The following CCDC85A variants were observed in gnomAD, a reference collection of about 807,000 sequenced individuals.
CCDC85A encodes the protein coiled-coil domain-containing protein 85A.
In CCDC85A, 38 loss-of-function variants were observed where a neutral mutation model predicts 50.2. That is an observed-to-expected ratio of 0.76 (90% CI 0.58 to 0.99). CCDC85A has a LOEUF of 0.99. Ranked by LOEUF, CCDC85A falls within the 50% of genes least tolerant of loss-of-function variation. The pLI is 0.00. For synonymous variants in CCDC85A, 366 were observed against 301.4 expected (o/e 1.21, Z -2.22); for missense variants, 820 against 742.0 (o/e 1.11, Z -1.22).
intron 2 of CCDC85A, among the ~76,000 whole-genome samples, chr2:56,233,196 G>T (rs1222339970): frequency 6.6e-6 from 1 of 152,166 alleles, no homozygotes; most frequent in African/African-American, 2.4e-5. Context: ...CTACTGATTG[G>T]TTGGTGCACA....
chr2:56,237,338 C>T (rs1182010347), intron 2 of CCDC85A, among the ~76,000 whole-genome samples: 36 of 152,122 alleles, frequency 2.4e-4, no homozygotes, highest in Admixed American at 2.3e-3. Flanking sequence ...AGGCCCAGCT[C>T]ATTTGGTTGG....
At chr2:56,302,111 C>T (rs945237172) in intron 2 of CCDC85A, among the ~76,000 whole-genome samples, 3 of 151,886 alleles carry the variant, frequency 2.0e-5, no homozygotes, top group Non-Finnish European at 4.4e-5. Context: ...CAAAAATTAC[C>T]CGGGCCTGGT....
intron 2 of CCDC85A, among the ~76,000 whole-genome samples, chr2:56,216,290 G>A (rs962674787): frequency 1.1e-4 from 16 of 151,738 alleles, no homozygotes; most frequent in African/African-American, 3.4e-4. Flanking sequence ...ACTAGATAAT[G>A]CCACATGTTC....
Position 56,373,057 on chromosome 2 carries a change from C to T in CCDC85A, c.1452+579C>T, listed in dbSNP as rs146159528. Among the ~76,000 whole-genome samples the T allele has an allele frequency of 3.9e-3, 588 of 152,202 alleles. 3 individuals carry two copies. Among genetic ancestry groups the T allele is most frequent in the African/African-American group, 0.014 (567 of 41,528 alleles). ...CAAATATTGGTCTGATTCTGCTAAG[C>T]GCATAGAAAACTAACCTTTTATTTT... On this transcript the variant is annotated intron_variant, in intron 4 of 5. Transcript: ENST00000407595.
intron 2 of CCDC85A, among the ~76,000 whole-genome samples, chr2:56,243,857 C>T (rs944834103): frequency 1.3e-5 from 2 of 152,156 alleles, no homozygotes; most frequent in Non-Finnish European, 2.9e-5. Context: ...AGGGGACACC[C>T]CAAGCCCAGT....
chr2:56,349,965 A>G (rs1255176990), intron 3 of CCDC85A, among the ~76,000 whole-genome samples: 1 of 151,906 alleles, frequency 6.6e-6, no homozygotes, highest in African/African-American at 2.4e-5. Context: ...ATCAACTAGA[A>G]ATGTAGATAC....
chr2:56,207,488 C>T (rs1267963425), intron 2 of CCDC85A, among the ~76,000 whole-genome samples: 3 of 152,192 alleles, frequency 2.0e-5, no homozygotes, highest in Non-Finnish European at 4.4e-5. Context: ...ATTTTGGACA[C>T]ATCAGGCATA....
chr2:56,210,696 G>A (rs1034258952), intron 2 of CCDC85A, among the ~76,000 whole-genome samples: 14 of 151,934 alleles, frequency 9.2e-5, no homozygotes, highest in African/African-American at 7.2e-5. Flanking sequence ...GAATTTCCAT[G>A]TGTTCTTTTC....
chr2:56,215,711 C>T (rs1677361064), intron 2 of CCDC85A, among the ~76,000 whole-genome samples: 1 of 151,088 alleles, frequency 6.6e-6, no homozygotes, highest in East Asian at 2.0e-4. Context: ...ATAACCCAAT[C>T]TTGTGTTTGA....
intron 2 of CCDC85A, among the ~76,000 whole-genome samples, chr2:56,232,611 G>T (rs935697435): frequency 6.6e-6 from 1 of 152,118 alleles, no homozygotes; most frequent in Non-Finnish European, 1.5e-5. Context: ...CTTCCACTAT[G>T]ATTGTAAGTT....
rs1304333769 is a variant in CCDC85A, at chr2:56,184,743, C to T, written c.119C>T (p.Ser40Leu). 5 of 1,543,110 alleles carry T rather than the reference C, an allele frequency of 3.2e-6. No homozygotes were observed. Among genetic ancestry groups the T allele is most frequent in the East Asian group, 2.5e-5 (1 of 40,408 alleles). Reference protein sequence around the residue: ...PAPVEDLSKVSDEELLQWSKE... With the variant: ...PAPVEDLSKVLDEELLQWSKE... ...CCGGTGGAGGACCTGTCCAAAGTGT[C>T]GGACGAGGAGCTGCTGCAGTGGAGC... Residue 40 changes from serine (S) to leucine (L), a missense_variant, in exon 1 of 6, where the codon TCG (serine) becomes TTG (leucine). Transcript: ENST00000407595.
chr2:56,193,383 C>G lies in CCDC85A; in HGVS notation c.1183C>G (p.Arg395Gly). Residue 395 changes from arginine to glycine, a missense_variant, in exon 2 of 6, where the codon CGG becomes GGG. Arg to Gly is a moderately radical substitution (Grantham distance 125). Transcript: ENST00000407595. ...AGGCAGCAGGGAGGGCACCCTCAGA[C>G]GGCAGGCACAGGAGGACGGGTCACC... ...GGGSREGTLRRQAQEDGSPHH... is the reference protein window; with the variant it reads ...GGGSREGTLRGQAQEDGSPHH... 6.2e-7 allele frequency: 1 copy of G among 1,611,310 alleles called. No homozygotes were observed. The highest frequency in any genetic ancestry group is 8.5e-7 in the Non-Finnish European group (1 of 1,178,724).
chr2:56,324,698 T>C (rs1315240569), intron 2 of CCDC85A, among the ~76,000 whole-genome samples: 4 of 152,140 alleles, frequency 2.6e-5, no homozygotes, highest in Non-Finnish European at 5.9e-5. Flanking sequence ...TTCCATAAAG[T>C]CAACTGCTTG....
At chr2:56,249,986 T>C (rs563799871) in intron 2 of CCDC85A, among the ~76,000 whole-genome samples, 5 of 152,186 alleles carry the variant, frequency 3.3e-5, no homozygotes, top group Non-Finnish European at 7.3e-5. Flanking sequence ...CTTTTGAGGA[T>C]CTTGAAATGG....
chr2:56,254,675 A>G (rs966229670), intron 2 of CCDC85A, among the ~76,000 whole-genome samples: 1 of 152,208 alleles, frequency 6.6e-6, no homozygotes, highest in Non-Finnish European at 1.5e-5. Flanking sequence ...CAAATAACCA[A>G]CAAATAAATA....
intron 2 of CCDC85A, among the ~76,000 whole-genome samples, chr2:56,271,868 G>T (rs971607755): frequency 6.6e-6 from 1 of 152,118 alleles, no homozygotes; most frequent in Non-Finnish European, 1.5e-5. Context: ...CCTGTCTTTG[G>T]CAAATTATGA....
intron 2 of CCDC85A, among the ~76,000 whole-genome samples, chr2:56,329,409 C>T (rs191556140): frequency 3.0e-4 from 46 of 152,188 alleles, no homozygotes; most frequent in African/African-American, 1.1e-3. Context: ...CAATGGAGTA[C>T]CCCTAGCACA....
In CCDC85A at chr2:56,192,814, G is replaced by A. The variant is rs1676354657; in HGVS notation, c.614G>A (p.Arg205Gln). 1.9e-6 allele frequency: 3 copies of A among 1,613,406 alleles called. No individual in the cohort carries two copies. Among genetic ancestry groups the A allele is most frequent in the Non-Finnish European group, 2.5e-6 (3 of 1,179,706 alleles). Residue 205 changes from arginine (R) to glutamine (Q), a missense_variant, in exon 2 of 6, where the codon CGG becomes CAG. Physicochemically the swap from Arg to Gln is conservative, Grantham distance 43 (BLOSUM62 1). Coordinates refer to ENST00000407595, the MANE Select transcript of CCDC85A (RefSeq NM_001080433.2). This position sits in a 1 kb window ranked among gnomAD's most constrained non-coding sequence, Gnocchi z 4.7. ...QLTASTAPYV[R>Q]DVGDGSSTSS... ...ACAGCCTCCACCGCACCCTACGTGC[G>A]GGATGTGGGTGACGGCAGCAGCACC...
At chr2:56,280,417 T>C (rs1549030) in intron 2 of CCDC85A, among the ~76,000 whole-genome samples, 46,392 of 152,108 alleles carry the variant, frequency 0.3, 8,013 homozygotes, top group East Asian at 0.49. Flanking sequence ...TCTTAGTCAA[T>C]GAGAGTGAGA....
Sources: gnomAD v4.1 joint callset for allele counts (sites outside exome capture counted in the v4.1 genomes callset) on GRCh38, gnomAD v4.1.1 for gene constraint, Gnocchi (gnomAD v3.1) non-coding constraint, MANE v1.5 for transcripts, NCBI Gene and HGNC (gene_info 2026-07-23, HGNC 2026-07-21) for gene names.